The following MAST2 variants were observed in gnomAD, a reference collection of about 807,000 sequenced individuals.
The protein encoded by MAST2 is microtubule associated serine/threonine kinase 2.
A neutral mutation model predicts 147.4 loss-of-function variants in MAST2; 70 were observed. That is an observed-to-expected ratio of 0.47 (90% confidence interval 0.39 to 0.58). The LOEUF (loss-of-function observed/expected upper bound fraction) is 0.58. MAST2 is among the 20% of genes least tolerant of loss of function. MAST2 has a pLI of 0.00. For synonymous variants in MAST2, 869 were observed against 896.8 expected, an observed-to-expected ratio of 0.97 and a Z score of 0.55; for missense variants, 2,080 against 2,302.3, an observed-to-expected ratio of 0.90 and a Z score of 1.98.
chr1:46,004,119 C>T (rs1269542794), intron 7 of MAST2, among the ~76,000 whole-genome samples: 2 of 152,078 alleles, frequency 1.3e-5, no homozygotes, highest in Non-Finnish European at 2.9e-5. Flanking sequence ...AATCCTGGCA[C>T]TTTGGGAGGC....
At chr1:45,998,312 C>T (rs976331802) in intron 6 of MAST2, among the ~76,000 whole-genome samples, 2 of 152,198 alleles carry the variant, frequency 1.3e-5, no homozygotes, top group African/African-American at 4.8e-5. Flanking sequence ...CTTCACTTTT[C>T]CTTCTATGAA....
chr1:45,964,305 T>A (rs1046018255), intron 5 of MAST2, among the ~76,000 whole-genome samples: 10 of 152,236 alleles, frequency 6.6e-5, no homozygotes, highest in Admixed American at 6.5e-4. Context: ...CAGCTCCTTC[T>A]TGTACCTCTG....
Position 46,034,925 on chromosome 1 carries a change from A to G in MAST2, c.4256A>G (p.Glu1419Gly). Reference sequence around the variant, plus strand: ...CTGGCAGCAGCACTTGCCGCCTCTGAGAAGAAGCTAGCCACTTCTCGCAAG... The same window carrying G: ...CTGGCAGCAGCACTTGCCGCCTCTGGGAAGAAGCTAGCCACTTCTCGCAAG... ...EKLAAALAAS[E>G]KKLATSRKHS... Residue 1419 changes from glutamate (E) to glycine (G), a missense_variant, in exon 29 of 29, where the codon GAG (glutamate) becomes GGG (glycine). Glu to Gly is a moderately conservative substitution (Grantham distance 98). Coordinates refer to ENST00000361297, the MANE Select transcript of MAST2 (RefSeq NM_015112.3). 1 of 1,614,148 alleles carries G rather than the reference A, an allele frequency of 6.2e-7. No individual in the cohort carries two copies. The highest frequency in any genetic ancestry group is 1.3e-5 in the African/African-American group (1 of 75,058).
intron 4 of MAST2, among the ~76,000 whole-genome samples, chr1:45,892,306 G>C (rs1434064084): frequency 6.6e-6 from 1 of 152,168 alleles, no homozygotes; most frequent in Non-Finnish European, 1.5e-5. Context: ...TGTGATTTAG[G>C]AATGTTTCAT....
intron 4 of MAST2, among the ~76,000 whole-genome samples, chr1:45,883,828 A>G (rs1414904330): frequency 6.9e-6 from 1 of 145,612 alleles, no homozygotes; most frequent in East Asian, 2.1e-4. Flanking sequence ...GAGACACCAA[A>G]TAGGTATGCA....
chr1:46,010,645 T>A (rs1456715664), intron 9 of MAST2, 85 bp from the exon 10 acceptor site: 2 of 1,166,154 alleles, frequency 1.7e-6, no homozygotes, highest in Non-Finnish European at 2.5e-6. Flanking sequence ...GAGCCCATTA[T>A]TTTGCTATTT....
chr1:45,931,120 A>G (rs1245496305), intron 4 of MAST2, among the ~76,000 whole-genome samples: 8 of 152,222 alleles, frequency 5.3e-5, no homozygotes, highest in African/African-American at 1.9e-4. Flanking sequence ...ATGTCCCAGT[A>G]ATATCCTTTG....
chr1:45,873,095 G>A (rs904752900), intron 3 of MAST2, among the ~76,000 whole-genome samples: 2 of 152,014 alleles, frequency 1.3e-5, no homozygotes, highest in African/African-American at 4.8e-5. Flanking sequence ...AGTATTGGGG[G>A]TGGGGTTAGT....
At chr1:46,018,444 C>T (rs1646049101) in intron 10 of MAST2, among the ~76,000 whole-genome samples, 1 of 152,086 alleles carries the variant, frequency 6.6e-6, no homozygotes, top group African/African-American at 2.4e-5. Context: ...ATAGTTTAAA[C>T]AGTAAAGGGA....
chr1:45,873,609 A>T (rs1014702220), intron 3 of MAST2, among the ~76,000 whole-genome samples: 2 of 152,200 alleles, frequency 1.3e-5, no homozygotes, highest in Admixed American at 1.3e-4. Flanking sequence ...TTTTTATCTC[A>T]GGTGAACAGG....
intron 6 of MAST2, among the ~76,000 whole-genome samples, chr1:46,000,772 T>C (rs1292483387): frequency 6.6e-6 from 1 of 152,224 alleles, no homozygotes; most frequent in Non-Finnish European, 1.5e-5. Context: ...TGGTTTGCAA[T>C]GTCAAACAAA....
At chr1:45,928,088 C>G (rs1219344508) in intron 4 of MAST2, among the ~76,000 whole-genome samples, 1 of 152,146 alleles carries the variant, frequency 6.6e-6, no homozygotes, top group Non-Finnish European at 1.5e-5. Context: ...ATGGAAAAAT[C>G]TCAAAAATGT....
chr1:45,913,804 A>T, intron 4 of MAST2: 1 of 1,171,658 alleles, frequency 8.5e-7, no homozygotes. Context: ...CTCCAGTGTG[A>T]GGGCAAAACT....
At chr1:46,021,823 G>T in intron 11 of MAST2, 127 bp from the exon 12 acceptor site, 1 of 843,514 alleles carries the variant, frequency 1.2e-6, no homozygotes, top group East Asian at 2.5e-5. Context: ...TGAATATTCA[G>T]GGGTGGGAGT....
chr1:46,010,771 C>G lies in MAST2; in HGVS notation c.1020C>G (p.Ser340=). 1 of 1,614,034 alleles carries G rather than the reference C, an allele frequency of 6.2e-7. No homozygotes were observed. The highest frequency in any genetic ancestry group is 8.5e-7 in the Non-Finnish European group (1 of 1,180,008). Residue 340 remains serine, a synonymous_variant, in exon 10 of 29, where the codon TCC becomes TCG. Coordinates refer to ENST00000361297, the MANE Select transcript of MAST2 (RefSeq NM_015112.3). ...QMEERLAEFI[S]SNTPDSVLPL... ...AAGAGCGACTAGCAGAGTTTATTTC[C>G]TCCAACACTCCAGACAGCGTGCTGC...
chr1:45,997,925 A>G lies in MAST2; in HGVS notation c.668+126A>G, dbSNP rs952182689. On this transcript the variant is annotated intron_variant, in intron 6 of 28. Coordinates refer to ENST00000361297, the MANE Select transcript of MAST2 (RefSeq NM_015112.3). ...AGTGTATTACCTGAAGCTCCCATCC[A>G]TCAAAACTCTGTCTTTGCTTTCCTC... 9.9e-6 allele frequency: 8 copies of G among 810,912 alleles called. No individual in the cohort carries two copies. The African/African-American group carries it at 1.0e-4, about 10-fold the overall frequency. The allele number at this position is 810,912 out of a possible 1,614,324, so 50.2% of individuals were successfully genotyped here. A position where few individuals can be genotyped will look rare whatever the true frequency, so the allele number is the denominator to read the frequency against.
chr1:46,028,551 C>A (rs1159891875), intron 17 of MAST2, among the ~76,000 whole-genome samples: 2 of 152,132 alleles, frequency 1.3e-5, no homozygotes, highest in African/African-American at 4.8e-5. Flanking sequence ...ATGGTAGTTC[C>A]GGGCTAGAAT....
intron 5 of MAST2, among the ~76,000 whole-genome samples, chr1:45,960,328 GC>G (rs1660242264): frequency 6.6e-6 from 1 of 151,912 alleles, no homozygotes; most frequent in African/African-American, 2.4e-5. Flanking sequence ...GGGCAACATG[GC>G]AAAACCCCGT....
At chr1:45,904,576 T>C (rs892391465) in intron 4 of MAST2, among the ~76,000 whole-genome samples, 1 of 151,532 alleles carries the variant, frequency 6.6e-6, no homozygotes, top group African/African-American at 2.4e-5. Flanking sequence ...GCAGTACTCC[T>C]ACCTTAGCCC....
Sources: allele counts gnomAD v4.1 joint callset (sites outside exome capture counted in the v4.1 genomes callset), GRCh38; gene constraint gnomAD v4.1.1; transcripts MANE v1.5; gene names NCBI Gene and HGNC (gene_info 2026-07-23, HGNC 2026-07-21).